Variants in CERT1 observed in about 807,000 individuals in gnomAD.
CERT1 encodes the protein ceramide transporter 1.
In CERT1, 31 loss-of-function variants were observed where a neutral mutation model predicts 87.9. That is an observed-to-expected ratio of 0.35 (90% CI 0.27 to 0.48). The LOEUF (loss-of-function observed/expected upper bound fraction) is 0.48. Among genes scored for constraint, CERT1 ranks in the 20% least tolerant of loss-of-function variants. CERT1 has a pLI of 0.99. For synonymous variants in CERT1, 289 were observed against 250.9 expected (o/e 1.15, Z -1.44); for missense variants, 487 against 758.0 (o/e 0.64, Z 4.20).
chr5:75,485,192 G>A (rs1027088910), intron 2 of CERT1, among the ~76,000 whole-genome samples: 1 of 151,852 alleles, frequency 6.6e-6, no homozygotes, highest in East Asian at 1.9e-4. Flanking sequence ...GGGAGGTTGG[G>A]AGTGGTGTTT....
chr5:75,475,041 C>A (rs150180041), intron 2 of CERT1, among the ~76,000 whole-genome samples: 41 of 152,102 alleles, frequency 2.7e-4, no homozygotes, highest in African/African-American at 9.6e-4. Context: ...TGGTATGATA[C>A]TGGGAAAATA....
intron 14 of CERT1, among the ~76,000 whole-genome samples, 181 bp downstream of exon 14, chr5:75,384,461 T>A (rs1424945700): frequency 1.3e-5 from 2 of 152,256 alleles, no homozygotes; most frequent in Admixed American, 6.5e-5. Context: ...TGCCTGCACA[T>A]ATTTCTGTTC....
intron 2 of CERT1, among the ~76,000 whole-genome samples, chr5:75,495,876 T>C (rs1767038255): frequency 6.6e-6 from 1 of 151,844 alleles, no homozygotes; most frequent in South Asian, 2.1e-4. Flanking sequence ...CATATGTAAC[T>C]AACCTGCACA....
intron 14 of CERT1, among the ~76,000 whole-genome samples, chr5:75,384,431 G>C (rs541822326): frequency 1.3e-5 from 2 of 152,318 alleles, no homozygotes; most frequent in Admixed American, 1.3e-4. Flanking sequence ...TCTATTTCTA[G>C]ATTGTATCTC....
intron 2 of CERT1, among the ~76,000 whole-genome samples, chr5:75,462,768 T>G (rs1439857168): frequency 6.6e-6 from 1 of 151,706 alleles, no homozygotes; most frequent in Non-Finnish European, 1.5e-5. Context: ...GCGAGGTGGG[T>G]GGATCACGGG....
chr5:75,428,094 G>T (rs1267657916), intron 3 of CERT1, among the ~76,000 whole-genome samples: 1 of 151,896 alleles, frequency 6.6e-6, no homozygotes, highest in East Asian at 1.9e-4. Flanking sequence ...ATAGCTATTG[G>T]TTTACCCATG....
chr5:75,396,980 T>C (rs1762283634), intron 11 of CERT1, among the ~76,000 whole-genome samples: 2 of 152,310 alleles, frequency 1.3e-5, no homozygotes, highest in East Asian at 1.9e-4. Flanking sequence ...CTACATCCAA[T>C]GCTATATTCT....
At chr5:75,460,184 G>A (rs1288925842) in intron 2 of CERT1, among the ~76,000 whole-genome samples, 3 of 152,000 alleles carry the variant, frequency 2.0e-5, no homozygotes, top group Non-Finnish European at 4.4e-5. Flanking sequence ...TTATTCAAAA[G>A]TAAATGCCCA....
intron 13 of CERT1, 40 bp downstream of exon 13, chr5:75,385,862 C>A: frequency 7.4e-7 from 1 of 1,352,184 alleles, no homozygotes. Context: ...ATATTAAATT[C>A]AAAATAATAG....
chr5:75,421,617 T>C (rs1039010461), intron 5 of CERT1, among the ~76,000 whole-genome samples: 2 of 152,220 alleles, frequency 1.3e-5, no homozygotes, highest in Non-Finnish European at 2.9e-5. Context: ...TTAGATACAT[T>C]ATTTTTAAAC....
rs7713331 is a variant in CERT1, at chr5:75,379,139, G to A, written c.*207C>T. ...TGAGGTTGCAGTGAGCCGTGATGGT[G>A]TCATTGCACTTCAGCTTAGGAAACA... On this transcript the variant is annotated 3_prime_UTR_variant, in exon 17 of 17. Transcript: ENST00000643780. 0.013 allele frequency: 6,364 copies of A among 502,694 alleles called. 328 individuals carry two copies. The highest frequency in any genetic ancestry group is 0.11 in the African/African-American group (5,791 of 51,784). The allele number at this position is 502,694 out of a possible 1,614,324, so 31.1% of individuals were successfully genotyped here.
At chr5:75,460,309 C>T (rs1168906061) in intron 2 of CERT1, among the ~76,000 whole-genome samples, 1 of 152,052 alleles carries the variant, frequency 6.6e-6, no homozygotes, top group African/African-American at 2.4e-5. Context: ...AAATTAACTT[C>T]TAGGCTTTTA....
chr5:75,502,425 CAAT>C (rs1211419435), intron 2 of CERT1, among the ~76,000 whole-genome samples: 1 of 151,856 alleles, frequency 6.6e-6, no homozygotes, highest in Non-Finnish European at 1.5e-5. Flanking sequence ...ATATTTGTTT[CAAT>C]AATGATTGTA....
At chr5:75,511,664 G>T, upstream of CERT1, 1 of 1,500,676 alleles carries the variant, frequency 6.7e-7, no homozygotes. Flanking sequence ...CCTCCCCTTC[G>T]TCCTCCCATT....
At chr5:75,504,798 C>A (rs1561310496) in intron 2 of CERT1, among the ~76,000 whole-genome samples, 1 of 150,674 alleles carries the variant, frequency 6.6e-6, no homozygotes, top group African/African-American at 2.4e-5. Context: ...CATTCTTAAC[C>A]AGTATGCTAT....
Position 75,459,048 on chromosome 5 carries a change from A to G in CERT1, c.348+17T>C, listed in dbSNP as rs1355410540. On this transcript the variant is annotated intron_variant, in intron 3 of 16. Transcript: ENST00000643780. ...TTACCTAGTCCTCCATGGACAGGTA[A>G]ACATTAGGGATCTTACCTTGTGCTG... 6.8e-7 allele frequency: 1 copy of G among 1,460,424 alleles called. No individual in the cohort carries two copies. The allele number at this position is 1,460,424 out of a possible 1,614,324, so 90.5% of individuals were successfully genotyped here. A position where few individuals can be genotyped will look rare whatever the true frequency, so the allele number is the denominator to read the frequency against.
Position 75,400,056 on chromosome 5 carries a change from C to T in CERT1, c.1110+149G>A, listed in dbSNP as rs879904765. Reference sequence around the variant, plus strand: ...CTGAGGCACGAGAATCTCTTGAACCCGGGAGGTGGAGACTGTAGTGAGCCG... The same window carrying T: ...CTGAGGCACGAGAATCTCTTGAACCTGGGAGGTGGAGACTGTAGTGAGCCG... On this transcript the variant is annotated intron_variant, in intron 10 of 16. Transcript: ENST00000643780. The T allele has an allele frequency of 4.2e-5, 24 of 573,846 alleles. No individual in the cohort carries two copies. In the East Asian group the frequency reaches 5.7e-4, roughly 14 times the overall value. 35.5% of individuals were successfully genotyped at this position (573,846 alleles called of 1,614,324 possible).
At chr5:75,424,782 T>C (rs1159656150) in intron 5 of CERT1, among the ~76,000 whole-genome samples, 1 of 152,140 alleles carries the variant, frequency 6.6e-6, no homozygotes, top group Non-Finnish European at 1.5e-5. Context: ...AATACCAAGA[T>C]AATAGATATC....
chr5:75,483,867 T>C (rs1333284805), intron 2 of CERT1, among the ~76,000 whole-genome samples: 1 of 151,780 alleles, frequency 6.6e-6, no homozygotes, highest in Non-Finnish European at 1.5e-5. Context: ...AAAAAGACAT[T>C]AACGAGCAAT....
Sources: allele counts gnomAD v4.1 joint callset (sites outside exome capture counted in the v4.1 genomes callset), GRCh38; gene constraint gnomAD v4.1.1; transcripts MANE v1.5; gene names NCBI Gene and HGNC (gene_info 2026-07-23, HGNC 2026-07-21).